DENND2A: variants seen among roughly 807,000 people sequenced by gnomAD.
DENND2A encodes DENN domain containing 2A.
DENND2A carries 53 observed loss-of-function variants against 105.3 expected under a neutral mutation model. That is an observed-to-expected ratio of 0.50 (90% CI 0.40 to 0.63). The LOEUF (loss-of-function observed/expected upper bound fraction) is 0.63, where lower values mean the gene tolerates loss of function less well. Among genes scored for constraint, DENND2A ranks in the 30% least tolerant of loss-of-function variants. DENND2A has a pLI of 0.00. For missense variants in DENND2A, 1,138 were observed against 1,279.6 expected, an observed-to-expected ratio of 0.89 and a Z score of 1.69; for synonymous variants, 522 against 508.4, an observed-to-expected ratio of 1.03 and a Z score of -0.36.
chr7:140,534,235 C>T (rs1261780071), intron 14 of DENND2A, among the ~76,000 whole-genome samples: 1 of 151,992 alleles, frequency 6.6e-6, no homozygotes, highest in Non-Finnish European at 1.5e-5. Flanking sequence ...CAGGCACGTG[C>T]CACCACGCCC....
chr7:140,592,588 G>A (rs1389974629), intron 3 of DENND2A, among the ~76,000 whole-genome samples: 2 of 149,084 alleles, frequency 1.3e-5, no homozygotes, highest in African/African-American at 5.0e-5. Context: ...CAGGTGATCC[G>A]TGCCCTGCCC....
At chr7:140,607,086 A>G (rs1799715930) in intron 1 of DENND2A, among the ~76,000 whole-genome samples, 1 of 152,172 alleles carries the variant, frequency 6.6e-6, no homozygotes. Context: ...AAGGCATATC[A>G]AGATACTGGG....
At chr7:140,557,263 T>G (rs994323357) in intron 11 of DENND2A, among the ~76,000 whole-genome samples, 1 of 150,928 alleles carries the variant, frequency 6.6e-6, no homozygotes, top group Admixed American at 6.6e-5. Context: ...AAATTAGCCA[T>G]GTGTGGTGGT....
intron 3 of DENND2A, among the ~76,000 whole-genome samples, chr7:140,594,753 C>G (rs1172131811): frequency 6.6e-6 from 1 of 152,174 alleles, no homozygotes; most frequent in Non-Finnish European, 1.5e-5. Context: ...TATTTTCGCT[C>G]TGTCGCCAGG....
intron 5 of DENND2A, among the ~76,000 whole-genome samples, chr7:140,578,283 G>A (rs11982424): frequency 0.021 from 3,261 of 152,242 alleles, 121 homozygotes; most frequent in African/African-American, 0.074. Context: ...GGGCCAAGCT[G>A]GATTCGAGCC....
intron 9 of DENND2A, among the ~76,000 whole-genome samples, chr7:140,560,277 A>G (rs936035582): frequency 1.3e-5 from 2 of 152,140 alleles, no homozygotes; most frequent in African/African-American, 4.8e-5. Flanking sequence ...TGGGAAATTC[A>G]ACTAATTTCA....
chr7:140,562,177 C>T (rs1034222365), intron 9 of DENND2A, among the ~76,000 whole-genome samples: 8 of 151,904 alleles, frequency 5.3e-5, no homozygotes, highest in Admixed American at 1.3e-4. Context: ...CGTGAGCCAC[C>T]GCGCCCGGCC....
intron 1 of DENND2A, among the ~76,000 whole-genome samples, chr7:140,617,932 C>T (rs1431150954): frequency 6.6e-6 from 1 of 152,154 alleles, no homozygotes; most frequent in Non-Finnish European, 1.5e-5. Context: ...AACATTGTAA[C>T]ATATAGAGAT....
intron 3 of DENND2A, among the ~76,000 whole-genome samples, chr7:140,597,462 C>T (rs1656207157): frequency 6.6e-6 from 1 of 152,150 alleles, no homozygotes; most frequent in Non-Finnish European, 1.5e-5. Flanking sequence ...AAGTGAATAT[C>T]TTGCCCTAAT....
At chr7:140,557,189 G>A (rs1797395813) in intron 11 of DENND2A, among the ~76,000 whole-genome samples, 1 of 152,002 alleles carries the variant, frequency 6.6e-6, no homozygotes, top group African/African-American at 2.4e-5. Context: ...AGGATTACTT[G>A]AGCCCAAGAG....
intron 1 of DENND2A, among the ~76,000 whole-genome samples, chr7:140,608,336 T>C (rs1180347083): frequency 1.3e-5 from 2 of 152,140 alleles, no homozygotes; most frequent in Admixed American, 1.3e-4. Flanking sequence ...ATATTAAAAA[T>C]GCTGCTGTAA....
intron 5 of DENND2A, among the ~76,000 whole-genome samples, chr7:140,576,512 C>T (rs1798304789): frequency 6.6e-6 from 1 of 152,116 alleles, no homozygotes; most frequent in Non-Finnish European, 1.5e-5. Context: ...TTTTCTTTAT[C>T]AACTTATGAG....
intron 14 of DENND2A, among the ~76,000 whole-genome samples, chr7:140,536,989 C>A (rs2130498485): frequency 6.6e-6 from 1 of 152,274 alleles, no homozygotes; most frequent in African/African-American, 2.4e-5. Context: ...TAGGACTTTG[C>A]TGAACTAAAT....
intron 3 of DENND2A, among the ~76,000 whole-genome samples, chr7:140,596,724 G>T (rs1009951105): frequency 6.6e-6 from 1 of 152,190 alleles, no homozygotes; most frequent in Non-Finnish European, 1.5e-5. Flanking sequence ...GTTTCATAAA[G>T]ATCTACAAGC....
At chr7:140,600,640 G>A (rs1052133903) in intron 3 of DENND2A, among the ~76,000 whole-genome samples, 1 of 152,126 alleles carries the variant, frequency 6.6e-6, no homozygotes, top group Admixed American at 6.6e-5. Context: ...TGGTGGCCTC[G>A]GGACAGGGTA....
At chr7:140,557,180 G>A (rs973886435) in intron 11 of DENND2A, among the ~76,000 whole-genome samples, 3 of 151,972 alleles carry the variant, frequency 2.0e-5, no homozygotes, top group Non-Finnish European at 4.4e-5. Context: ...CGAGGTGGGA[G>A]GATTACTTGA....
chr7:140,536,226 A>G (rs143317334), intron 14 of DENND2A, among the ~76,000 whole-genome samples: 9,779 of 152,072 alleles, frequency 0.064, 1,024 homozygotes, highest in African/African-American at 0.22. Flanking sequence ...GTGGTGGCAC[A>G]TGCCTATAGT....
At chr7:140,529,687 G>C (rs1055766078) in intron 14 of DENND2A, among the ~76,000 whole-genome samples, 2 of 151,690 alleles carry the variant, frequency 1.3e-5, no homozygotes, top group Non-Finnish European at 2.9e-5. Flanking sequence ...GCAAACTATC[G>C]CAAGAACAAA....
chr7:140,636,847 G>T (rs1406543928), intron 1 of DENND2A, among the ~76,000 whole-genome samples: 1 of 151,878 alleles, frequency 6.6e-6, no homozygotes, highest in Non-Finnish European at 1.5e-5. Flanking sequence ...GTGTCACTGT[G>T]TGTGGTTAAT....
Sources: allele counts gnomAD v4.1 joint callset (sites outside exome capture counted in the v4.1 genomes callset), GRCh38; gene constraint gnomAD v4.1.1; transcripts MANE v1.5; gene names NCBI Gene and HGNC (gene_info 2026-07-23, HGNC 2026-07-21).